The following GLI2 variants were observed in gnomAD, a reference collection of about 807,000 sequenced individuals.
GLI2 encodes GLI family zinc finger 2, also known as transcription activator GLI2.
Under a neutral mutation model 78.9 loss-of-function variants are expected in GLI2, and 22 were observed. That is an observed-to-expected ratio of 0.28 (90% CI 0.20 to 0.40). The LOEUF is 0.40. GLI2 is among the 10% of genes least tolerant of loss of function. The pLI, the probability that GLI2 is intolerant of heterozygous loss-of-function variation, is 1.00. For missense variants in GLI2, 2,097 were observed against 2,213.2 expected, an observed-to-expected ratio of 0.95 and a Z score of 1.05; for synonymous variants, 974 against 963.7, an observed-to-expected ratio of 1.01 and a Z score of -0.20.
intron 2 of GLI2, among the ~76,000 whole-genome samples, chr2:120,813,566 G>A (rs1330553137): frequency 6.6e-6 from 1 of 152,214 alleles, no homozygotes; most frequent in Non-Finnish European, 1.5e-5. Flanking sequence ...TGCCCGGGGC[G>A]ATGGGTGCTA....
intron 1 of GLI2, among the ~76,000 whole-genome samples, chr2:120,758,995 G>T (rs1683129989): frequency 6.6e-6 from 1 of 152,164 alleles, no homozygotes; most frequent in African/African-American, 2.4e-5. Context: ...GCCCAATCCT[G>T]CATGATCTTC....
At chr2:120,806,081 CCT>C (rs894326189) in intron 2 of GLI2, among the ~76,000 whole-genome samples, 4 of 152,176 alleles carry the variant, frequency 2.6e-5, no homozygotes, top group Non-Finnish European at 2.9e-5. Flanking sequence ...TGGATGGGCC[CCT>C]GTTTCCTGCA....
chr2:120,768,195 C>T (rs552713764), intron 1 of GLI2, among the ~76,000 whole-genome samples: 9 of 152,248 alleles, frequency 5.9e-5, no homozygotes, highest in Non-Finnish European at 1.2e-4. Flanking sequence ...TACCCGGCGT[C>T]GGCTGCCAGG....
At chr2:120,852,909 G>T (rs1006499123) in intron 2 of GLI2, among the ~76,000 whole-genome samples, 2 of 152,196 alleles carry the variant, frequency 1.3e-5, no homozygotes, top group South Asian at 4.1e-4. Context: ...CACCCACTCT[G>T]GGGGAGACAG....
At chr2:120,967,124 A>G (rs1375980452) in intron 5 of GLI2, among the ~76,000 whole-genome samples, 1 of 152,196 alleles carries the variant, frequency 6.6e-6, no homozygotes. Flanking sequence ...AGCAACCCCC[A>G]GCATCATTTA....
intron 3 of GLI2, among the ~76,000 whole-genome samples, chr2:120,939,793 A>G (rs369455759): frequency 1.3e-5 from 2 of 152,224 alleles, no homozygotes; most frequent in African/African-American, 4.8e-5. Context: ...CTGGGAATGG[A>G]AATGCTGAGT....
At chr2:120,766,423 C>T (rs536018933) in intron 1 of GLI2, among the ~76,000 whole-genome samples, 11 of 152,278 alleles carry the variant, frequency 7.2e-5, no homozygotes, top group Admixed American at 3.3e-4. Context: ...GAGCATTTTC[C>T]GGGCTGGAGA....
rs1041923718 is a variant in GLI2 at position 120,735,999 on chromosome 2, A to G, written c.-317A>G. ...GCGGCGGCTGCGACTGCGAACGCGG[A>G]GGAAGGCCAGGAGCCGCAGGAGGAG... On this transcript the variant is annotated 5_prime_UTR_variant, in exon 1 of 14. Transcript: ENST00000361492. Among the ~76,000 whole-genome samples the G allele has an allele frequency of 2.0e-5, 3 of 151,718 alleles. No individual in the cohort carries two copies. Among genetic ancestry groups the G allele is most frequent in the African/African-American group, 7.3e-5 (3 of 41,318 alleles).
Position 120,989,151 on chromosome 2 carries a change from C to T in GLI2, c.3186C>T (p.Asp1062=), listed in dbSNP as rs769533860. 1.7e-5 allele frequency: 27 copies of T among 1,612,974 alleles called. No individual in the cohort carries two copies. The highest frequency in any genetic ancestry group is 1.1e-5 in the Non-Finnish European group (13 of 1,179,994). ...YIKAHASGAL[D]EGTGQVYPTE... ...AGGCGCACGCCAGTGGCGCTCTGGA[C>T]GAGGGCACCGGGCAGGTGTATCCCA... is the stretch of plus-strand genomic sequence containing the variant. Residue 1062 remains aspartate (D), a synonymous_variant, in exon 14 of 14, where the codon GAC becomes GAT. Transcript: ENST00000361492.
intron 1 of GLI2, among the ~76,000 whole-genome samples, chr2:120,740,151 C>T (rs893810359): frequency 6.6e-6 from 1 of 152,040 alleles, no homozygotes; most frequent in Non-Finnish European, 1.5e-5. Flanking sequence ...TAGAGGATGA[C>T]AAAAGCATCC....
chr2:120,912,809 C>T lies in GLI2; in HGVS notation c.149-14552C>T, dbSNP rs540395268. Reference sequence around the variant, plus strand: ...GAACACTCCAAGCTTATCAAGAACGCAGCGGGCAGCAATCCAGGGCAGAAC... The same window carrying T: ...GAACACTCCAAGCTTATCAAGAACGTAGCGGGCAGCAATCCAGGGCAGAAC... On this transcript the variant is annotated intron_variant, in intron 2 of 13. Transcript: ENST00000361492. 6.6e-5 allele frequency among the ~76,000 whole-genome samples: 10 copies of T among 152,268 alleles called. No homozygotes were observed. In the East Asian group the frequency reaches 1.9e-3, roughly 29 times the overall value.
At chr2:120,875,567 G>A (rs1293204346) in intron 2 of GLI2, among the ~76,000 whole-genome samples, 5 of 152,208 alleles carry the variant, frequency 3.3e-5, no homozygotes, top group Admixed American at 1.3e-4. Flanking sequence ...TGCTAACGGC[G>A]GTGCTAACAG....
intron 1 of GLI2, among the ~76,000 whole-genome samples, chr2:120,766,481 G>A (rs184817114): frequency 3.9e-4 from 60 of 152,290 alleles, no homozygotes; most frequent in Admixed American, 1.9e-3. Flanking sequence ...GGCTGCCCTG[G>A]GCAGAGAAGA....
chr2:120,896,683 TCACA>T (rs1324702723), intron 2 of GLI2, among the ~76,000 whole-genome samples: 1 of 89,980 alleles, frequency 1.1e-5, no homozygotes, highest in Non-Finnish European at 2.3e-5. Flanking sequence ...CCCCACACAC[TCACA>T]CACACCCATA....
intron 1 of GLI2, among the ~76,000 whole-genome samples, chr2:120,764,695 G>A (rs1429021606): frequency 6.6e-6 from 1 of 152,222 alleles, no homozygotes; most frequent in African/African-American, 2.4e-5. Flanking sequence ...GAGAAGCCAC[G>A]TGCTCTGTGG....
At chr2:120,788,475 G>A (rs1684058103) in intron 1 of GLI2, among the ~76,000 whole-genome samples, 1 of 152,210 alleles carries the variant, frequency 6.6e-6, no homozygotes, top group African/African-American at 2.4e-5. Context: ...TCTTGAGGCC[G>A]TCTCAAATGT....
intron 2 of GLI2, among the ~76,000 whole-genome samples, chr2:120,916,606 C>T (rs936806731): frequency 6.6e-6 from 1 of 152,250 alleles, no homozygotes; most frequent in East Asian, 1.9e-4. Context: ...GGGGCACTCC[C>T]TGTGGGCAGG....
chr2:120,884,930 G>A (rs1677324041), intron 2 of GLI2, among the ~76,000 whole-genome samples: 2 of 152,176 alleles, frequency 1.3e-5, no homozygotes, highest in South Asian at 2.1e-4. Context: ...CTGCCATGGC[G>A]GGAGCATCAT....
intron 2 of GLI2, among the ~76,000 whole-genome samples, chr2:120,858,459 A>C (rs1687760709): frequency 6.6e-6 from 1 of 152,180 alleles, no homozygotes; most frequent in African/African-American, 2.4e-5. Context: ...GGGCCAAGCT[A>C]GTGAACAACA....
Sources: gnomAD v4.1 joint callset for allele counts (sites outside exome capture counted in the v4.1 genomes callset) on GRCh38, gnomAD v4.1.1 for gene constraint, MANE v1.5 for transcripts, NCBI Gene and HGNC (gene_info 2026-07-23, HGNC 2026-07-21) for gene names.